Variants in GIPC2 observed in about 807,000 individuals in gnomAD.
GIPC2 encodes the protein GIPC PDZ domain containing family member 2.
Under a neutral mutation model 30.6 loss-of-function variants are expected in GIPC2, and 30 were observed. The observed-to-expected ratio is 0.98, with a 90% CI of 0.73 to 1.33. The LOEUF (loss-of-function observed/expected upper bound fraction) is 1.33, where lower values mean the gene tolerates loss of function less well. GIPC2 is among the 40% of genes most tolerant of loss of function. The probability of loss-of-function intolerance (pLI) is 0.00; values close to 1 mark genes in which losing one functional copy is unlikely to be tolerated. For synonymous variants in GIPC2, 167 were observed against 150.0 expected (o/e 1.11, Z -0.83); for missense variants, 414 against 390.3 (o/e 1.06, Z -0.51).
At chr1:78,096,365 G>C (rs939887712) in intron 3 of GIPC2, among the ~76,000 whole-genome samples, 1 of 152,114 alleles carries the variant, frequency 6.6e-6, no homozygotes, top group African/African-American at 2.4e-5. Flanking sequence ...GATGGTTTGA[G>C]ATAAATATTC....
chr1:78,050,801 A>AT (rs1195652963), intron 1 of GIPC2, among the ~76,000 whole-genome samples: 1 of 151,738 alleles, frequency 6.6e-6, no homozygotes, highest in Non-Finnish European at 1.5e-5. Flanking sequence ...TGCCCGGCTA[A>AT]TTTTTTGTAT....
chr1:78,108,920 C>G (rs200549048), intron 3 of GIPC2, among the ~76,000 whole-genome samples: 1 of 152,140 alleles, frequency 6.6e-6, no homozygotes, highest in East Asian at 1.9e-4. Context: ...CTGGCTTAAG[C>G]AGAAACGGGA....
At chr1:78,111,909 A>G (rs1198747416) in intron 3 of GIPC2, among the ~76,000 whole-genome samples, 1 of 152,264 alleles carries the variant, frequency 6.6e-6, no homozygotes, top group African/African-American at 2.4e-5. Flanking sequence ...CACTGTGGAT[A>G]ACAGTACAGA....
Position 78,104,842 on chromosome 1 carries a change from CTCTT to C in GIPC2, c.607+9713_607+9716del, listed in dbSNP as rs376950998. Among the ~76,000 whole-genome samples the C allele has an allele frequency of 2.3e-3, 343 of 152,218 alleles. 5 individuals are homozygous for C. The highest frequency in any genetic ancestry group is 7.3e-3 in the African/African-American group (304 of 41,546). ...TTGCATTTTATCTGACAGTGATACT[CTCTT>C]TCATGTATTTTTTGGCAAAGTAAGT... is the stretch of plus-strand genomic sequence containing the variant. On this transcript the variant is annotated intron_variant, in intron 3 of 5. Transcript: ENST00000370759.
At chr1:78,083,461 A>G (rs1303642484) in intron 2 of GIPC2, among the ~76,000 whole-genome samples, 1 of 152,136 alleles carries the variant, frequency 6.6e-6, no homozygotes, top group Non-Finnish European at 1.5e-5. Flanking sequence ...AGTCTTTTTC[A>G]CTACAAAATT....
chr1:78,084,934 T>G (rs1661899311), intron 2 of GIPC2, among the ~76,000 whole-genome samples: 1 of 152,168 alleles, frequency 6.6e-6, no homozygotes, highest in African/African-American at 2.4e-5. Flanking sequence ...TTTATTGCTT[T>G]TTTCTGCCTG....
intron 1 of GIPC2, among the ~76,000 whole-genome samples, chr1:78,063,806 C>T (rs1169970454): frequency 3.4e-5 from 5 of 147,544 alleles, no homozygotes; most frequent in East Asian, 2.1e-4. Context: ...ACAGGAGAAT[C>T]GCTTGAACCT....
intron 3 of GIPC2, among the ~76,000 whole-genome samples, chr1:78,106,090 C>T (rs553070550): frequency 3.5e-4 from 53 of 151,592 alleles, no homozygotes; most frequent in African/African-American, 1.2e-3. Flanking sequence ...AAAAAATTAG[C>T]CGGGCATAGT....
chr1:78,047,135 G>A (rs72941803), intron 1 of GIPC2, among the ~76,000 whole-genome samples: 40 of 152,298 alleles, frequency 2.6e-4, no homozygotes, highest in African/African-American at 9.4e-4. Flanking sequence ...ATGACCTAAA[G>A]CACTAGTTTA....
Position 78,138,079 on chromosome 1 carries a change from G to A in GIPC2, c.*2336G>A, listed in dbSNP as rs1229052179. ...TATTGAAAACAGCATCTTCCTTCTT[G>A]CAATGGCCACTAATAGCACACAATG... On this transcript the variant is annotated 3_prime_UTR_variant, in exon 6 of 6. Transcript: ENST00000370759. 1 of 150,960 alleles carries A rather than the reference G, an allele frequency of 6.6e-6. No individual in the cohort carries two copies. The highest frequency in any genetic ancestry group is 1.5e-5 in the Non-Finnish European group (1 of 67,892). 9.4% of individuals were successfully genotyped at this position (150,960 alleles called of 1,614,324 possible).
At chr1:78,122,044 G>A (rs531021368) in intron 4 of GIPC2, among the ~76,000 whole-genome samples, 4 of 152,284 alleles carry the variant, frequency 2.6e-5, no homozygotes, top group South Asian at 2.1e-4. Flanking sequence ...TAAATCATTC[G>A]TCACTCTTTG....
chr1:78,110,980 C>T (rs1442768747), intron 3 of GIPC2, among the ~76,000 whole-genome samples: 1 of 152,176 alleles, frequency 6.6e-6, no homozygotes, highest in African/African-American at 2.4e-5. Flanking sequence ...ATAAGCATTC[C>T]TGGGTCTGCA....
chr1:78,123,571 G>A (rs1662725242), intron 4 of GIPC2, among the ~76,000 whole-genome samples: 1 of 152,166 alleles, frequency 6.6e-6, no homozygotes, highest in Non-Finnish European at 1.5e-5. Flanking sequence ...CAGGGTATGG[G>A]TTGTTGAGCA....
chr1:78,048,096 A>G (rs182140551), intron 1 of GIPC2, among the ~76,000 whole-genome samples: 15 of 152,254 alleles, frequency 9.9e-5, no homozygotes, highest in Non-Finnish European at 2.9e-5. Context: ...TTTCCACTTT[A>G]TGGGTTTATT....
intron 2 of GIPC2, among the ~76,000 whole-genome samples, chr1:78,093,910 C>T (rs1274321294): frequency 6.6e-6 from 1 of 151,964 alleles, no homozygotes; most frequent in Admixed American, 6.6e-5. Flanking sequence ...AGCTCCTGCC[C>T]CTAAAATCCT....
chr1:78,080,916 T>C, intron 2 of GIPC2, 56 bp downstream of exon 2: 1 of 1,025,550 alleles, frequency 9.8e-7, no homozygotes, highest in Non-Finnish European at 1.4e-6. Context: ...TAAGAAAATC[T>C]ACCAGGCCAA....
At chr1:78,117,754 G>T (rs193060396) in intron 3 of GIPC2, among the ~76,000 whole-genome samples, 1 of 152,104 alleles carries the variant, frequency 6.6e-6, no homozygotes, top group Non-Finnish European at 1.5e-5. Flanking sequence ...TCAAGGAAGC[G>T]CACGGTATTT....
intron 2 of GIPC2, among the ~76,000 whole-genome samples, chr1:78,086,237 A>T (rs1055556641): frequency 6.6e-6 from 1 of 152,038 alleles, no homozygotes; most frequent in African/African-American, 2.4e-5. Flanking sequence ...CATGGGTTTT[A>T]GCAATTTTCT....
intron 3 of GIPC2, among the ~76,000 whole-genome samples, chr1:78,114,725 A>T (rs1662536822): frequency 6.6e-6 from 1 of 152,218 alleles, no homozygotes; most frequent in East Asian, 1.9e-4. Flanking sequence ...AATGGTGGAT[A>T]TATATTATAA....
Sources: gnomAD v4.1 joint callset for allele counts (sites outside exome capture counted in the v4.1 genomes callset) on GRCh38, gnomAD v4.1.1 for gene constraint, MANE v1.5 for transcripts, NCBI Gene and HGNC (gene_info 2026-07-23, HGNC 2026-07-21) for gene names.